Variants in CSMD1 observed in about 807,000 individuals in gnomAD.
The protein encoded by CSMD1 is CUB and Sushi multiple domains 1.
A neutral mutation model predicts 417.5 loss-of-function variants in CSMD1; 213 were observed. The observed-to-expected ratio is 0.51, with a 90% CI of 0.46 to 0.57. The LOEUF is 0.57. CSMD1 is among the 20% of genes least tolerant of loss of function. The pLI is 0.00. For missense variants in CSMD1, 6,923 were observed against 4,529.7 expected (o/e 1.53, Z -15.17); for synonymous variants, 2,862 against 1,736.8 (o/e 1.65, Z -16.11).
intron 4 of CSMD1, among the ~76,000 whole-genome samples, chr8:4,021,124 T>C (rs1029299492): frequency 1.3e-5 from 2 of 152,224 alleles, no homozygotes; most frequent in African/African-American, 2.4e-5. Context: ...TGAGGCTCAA[T>C]ACAGTAGCCT....
intron 49 of CSMD1, among the ~76,000 whole-genome samples, chr8:3,067,062 C>G (rs1033378907): frequency 6.7e-6 from 1 of 148,324 alleles, no homozygotes; most frequent in Non-Finnish European, 1.5e-5. Context: ...TCAGCCTGTG[C>G]CAGGTGCTAA....
chr8:3,645,310 C>A (rs1797521798), intron 7 of CSMD1, among the ~76,000 whole-genome samples: 1 of 152,164 alleles, frequency 6.6e-6, no homozygotes, highest in Non-Finnish European at 1.5e-5. Flanking sequence ...TGTGTTCTCC[C>A]AGCAGCTGCA....
intron 5 of CSMD1, among the ~76,000 whole-genome samples, chr8:3,876,292 G>C (rs558915273): frequency 2.6e-5 from 4 of 152,098 alleles, no homozygotes; most frequent in Non-Finnish European, 5.9e-5. Context: ...GAAGTTTTTA[G>C]AATTAGTATG....
At chr8:4,456,714 A>AC in intron 2 of CSMD1, among the ~76,000 whole-genome samples, 1 of 152,050 alleles carries the variant, frequency 6.6e-6, no homozygotes, top group East Asian at 1.9e-4. Context: ...AGGCATGTGG[A>AC]CCCCCTGCTG....
chr8:4,566,369 G>C (rs1216433953), intron 2 of CSMD1, among the ~76,000 whole-genome samples: 1 of 152,148 alleles, frequency 6.6e-6, no homozygotes, highest in Non-Finnish European at 1.5e-5. Context: ...AAGAAATTTA[G>C]TTGGCCGGGC....
chr8:4,314,508 T>A (rs1004084684), intron 3 of CSMD1, among the ~76,000 whole-genome samples: 31 of 152,192 alleles, frequency 2.0e-4, no homozygotes, highest in African/African-American at 7.5e-4. Context: ...GTCTGGACTT[T>A]GCTAATGCCT....
At chr8:3,519,334 A>C (rs1455110146) in intron 10 of CSMD1, among the ~76,000 whole-genome samples, 1 of 152,182 alleles carries the variant, frequency 6.6e-6, no homozygotes, top group Non-Finnish European at 1.5e-5. Context: ...CCCCAAATAA[A>C]AATTTATCTG....
At chr8:3,102,959 G>C (rs908122302) in intron 46 of CSMD1, among the ~76,000 whole-genome samples, 2 of 152,054 alleles carry the variant, frequency 1.3e-5, no homozygotes, top group African/African-American at 4.8e-5. Flanking sequence ...CCACAAACAA[G>C]TTTATTGGGG....
intron 55 of CSMD1, among the ~76,000 whole-genome samples, chr8:2,976,711 C>T (rs1424732457): frequency 6.6e-6 from 1 of 152,156 alleles, no homozygotes; most frequent in African/African-American, 2.4e-5. Context: ...TTAAGGATTG[C>T]TTTGCTTCTG....
chr8:3,799,515 G>T (rs907919884), intron 5 of CSMD1, among the ~76,000 whole-genome samples: 1 of 150,166 alleles, frequency 6.7e-6, no homozygotes, highest in Admixed American at 6.7e-5. Flanking sequence ...AAGCATACAT[G>T]TAACATTAGG....
chr8:3,049,946 G>A (rs549478727), intron 50 of CSMD1, among the ~76,000 whole-genome samples: 2 of 152,160 alleles, frequency 1.3e-5, no homozygotes, highest in Non-Finnish European at 2.9e-5. Flanking sequence ...AACAACGTCT[G>A]TCAAACAAAG....
chr8:3,982,181 TAATAATAATATTAATAAA>T (rs1813928028), intron 5 of CSMD1, among the ~76,000 whole-genome samples: 1 of 131,060 alleles, frequency 7.6e-6, no homozygotes, highest in African/African-American at 2.7e-5. Context: ...ATAATAATAA[TAATAATAATATTAATAAA>T]AAAAATAATA....
At chr8:3,921,255 T>C (rs867120134) in intron 5 of CSMD1, among the ~76,000 whole-genome samples, 15 of 152,282 alleles carry the variant, frequency 9.9e-5, no homozygotes, top group Middle Eastern at 6.8e-3. Context: ...GTAATACCTG[T>C]TGTAGTATCA....
chr8:4,275,878 A>G (rs1796456242), intron 3 of CSMD1, among the ~76,000 whole-genome samples: 1 of 152,230 alleles, frequency 6.6e-6, no homozygotes, highest in Non-Finnish European at 1.5e-5. Flanking sequence ...TTATAATTGG[A>G]TGAACAATAA....
intron 1 of CSMD1, among the ~76,000 whole-genome samples, chr8:4,822,767 T>G (rs568622754): frequency 1.8e-4 from 27 of 152,244 alleles, no homozygotes; most frequent in African/African-American, 6.5e-4. Context: ...GTTTTTAACC[T>G]CTGGGTATGG....
At chr8:4,696,295 A>C (rs889485142) in intron 1 of CSMD1, among the ~76,000 whole-genome samples, 1 of 152,216 alleles carries the variant, frequency 6.6e-6, no homozygotes, top group Non-Finnish European at 1.5e-5. Context: ...GTGTCCATTT[A>C]TTGGGATATT....
intron 3 of CSMD1, among the ~76,000 whole-genome samples, chr8:4,288,332 A>C (rs796423722): frequency 9.9e-5 from 15 of 152,208 alleles, no homozygotes; most frequent in African/African-American, 3.6e-4. Context: ...GGCTCCCTTC[A>C]CCCTTCAATT....
intron 12 of CSMD1, among the ~76,000 whole-genome samples, chr8:3,451,007 C>G (rs1012935423): frequency 7.2e-5 from 11 of 152,212 alleles, no homozygotes; most frequent in Non-Finnish European, 1.0e-4. Flanking sequence ...GACTGCCATT[C>G]TAACTGGTGT....
At chr8:3,976,933 G>C (rs900939655) in intron 5 of CSMD1, among the ~76,000 whole-genome samples, 2 of 152,152 alleles carry the variant, frequency 1.3e-5, no homozygotes, top group Non-Finnish European at 2.9e-5. Flanking sequence ...ATAGTGTCTA[G>C]TACAGATTTG....
Sources: gnomAD v4.1 joint callset for allele counts (sites outside exome capture counted in the v4.1 genomes callset) on GRCh38, gnomAD v4.1.1 for gene constraint, MANE v1.5 for transcripts, NCBI Gene and HGNC (gene_info 2026-07-23, HGNC 2026-07-21) for gene names.